Variants in PLA2G6 observed in about 807,000 individuals in gnomAD.
PLA2G6 encodes phospholipase A2 group VI.
A neutral mutation model predicts 83.8 loss-of-function variants in PLA2G6; 62 were observed. The ratio of observed to expected loss-of-function variants is 0.74; its 90% CI spans 0.60 to 0.91. The LOEUF is 0.91. PLA2G6 is among the 40% of genes least tolerant of loss of function. PLA2G6 has a pLI of 0.00. For synonymous variants in PLA2G6, 417 were observed against 449.8 expected (o/e 0.93, Z 0.92); for missense variants, 944 against 1,102.0 (o/e 0.86, Z 2.03).
chr22:38,128,551 G>A lies in PLA2G6; in HGVS notation c.1187-121C>T. The A allele has an allele frequency of 1.8e-6, 2 of 1,117,556 alleles. No individual in the cohort carries two copies. The highest frequency in any genetic ancestry group is 2.6e-6 in the Non-Finnish European group (2 of 769,420). The allele number at this position is 1,117,556 out of a possible 1,614,324, so 69.2% of individuals were successfully genotyped here. A position where few individuals can be genotyped will look rare whatever the true frequency, so the allele number is the denominator to read the frequency against. On this transcript the variant is annotated intron_variant, in intron 8 of 16. Transcript: ENST00000332509. The surrounding 1 kb of genome is among the most constrained non-coding windows in gnomAD (Gnocchi z 4.4). The stretch of plus-strand genomic sequence containing the variant: ...CCCAGCTCCCAGGCCCTGGGCACGT[G>A]GGCTGCTCCAGAGGCCTCAGCCCAC...
chr22:38,169,045 A>C (rs1164591008), intron 2 of PLA2G6, among the ~76,000 whole-genome samples, 173 bp downstream of exon 2: 1 of 151,972 alleles, frequency 6.6e-6, no homozygotes, highest in Non-Finnish European at 1.5e-5. Context: ...AGAAGTGTGG[A>C]GTCTCGGAAG....
chr22:38,113,519 C>A lies in PLA2G6; in HGVS notation c.2170G>T (p.Ala724Ser). ...ACCACCATCTTGCCCAGTTCCTTGG[C>A]CCCAAAAACAGTCTTGGCCAGCTCC... ...PWELAKTVFGAKELGKMVVDC... is the reference protein window; with the variant it reads ...PWELAKTVFGSKELGKMVVDC... The change falls in exon 15 of 17, where the codon GCC becomes TCC. Residue 724 changes from alanine (A) to serine (S), a missense_variant. Transcript: ENST00000332509. 6.2e-7 allele frequency: 1 copy of A among 1,614,074 alleles called. No homozygotes were observed. The highest frequency in any genetic ancestry group is 1.3e-5 in the African/African-American group (1 of 75,038).
chr22:38,141,238 C>T (rs1163302744), intron 4 of PLA2G6: 2 of 152,302 alleles, frequency 1.3e-5, no homozygotes, highest in Non-Finnish European at 2.9e-5. Context: ...AGCCTGTAGT[C>T]CCAGCTGCTC....
rs976363305 is a variant in PLA2G6, at chr22:38,156,602, T to C, written c.210-10949A>G. 3.9e-5 allele frequency among the ~76,000 whole-genome samples: 6 copies of C among 152,028 alleles called. No homozygotes were observed. The South Asian group carries it at 1.2e-3, about 32-fold the overall frequency. On this transcript the variant is annotated intron_variant, in intron 2 of 16. Transcript: ENST00000332509. ...CTGAGTAGCTGGGACTACAGGCACC[T>C]GCCACCATGCCTGGCTAATTTTTTG... is the stretch of plus-strand genomic sequence containing the variant.
At chr22:38,162,131 C>T (rs1228403947) in intron 2 of PLA2G6, among the ~76,000 whole-genome samples, 2 of 151,266 alleles carry the variant, frequency 1.3e-5, no homozygotes, top group African/African-American at 4.9e-5. Context: ...ACTGCTTGAA[C>T]CCCGGAGGTG....
intron 1 of PLA2G6, among the ~76,000 whole-genome samples, chr22:38,171,406 G>A (rs1245608907): frequency 6.6e-6 from 1 of 152,116 alleles, no homozygotes; most frequent in Non-Finnish European, 1.5e-5. Context: ...CTGTTGCCCA[G>A]GCTGGAGTAC....
rs1166637335 is a variant in PLA2G6, at chr22:38,113,520, C to T, written c.2169G>A (p.Gly723=). 5.0e-6 allele frequency: 8 copies of T among 1,613,920 alleles called. No homozygotes were observed. In the East Asian group the frequency reaches 1.8e-4, roughly 36 times the overall value. ...CCACCATCTTGCCCAGTTCCTTGGC[C>T]CCAAAAACAGTCTTGGCCAGCTCCC... ...NPWELAKTVF[G]AKELGKMVVD... Residue 723 remains glycine, a synonymous_variant, in exon 15 of 17, where the codon GGG becomes GGA. Transcript: ENST00000332509.
chr22:38,140,125 GTTA>G lies in PLA2G6; in HGVS notation c.651_653del (p.Asn218del). On this transcript the variant is annotated inframe_deletion, in exon 5 of 17. Transcript: ENST00000332509. ...CCAGGTGCAGCGGGGTCAGCCCTTG[GTTA>G]TTCACCTGGTTCAGGCCAGCCACTG... is the stretch of plus-strand genomic sequence containing the variant. 6.2e-7 allele frequency: 1 copy of G among 1,614,148 alleles called. No homozygotes were observed. The highest frequency in any genetic ancestry group is 8.5e-7 in the Non-Finnish European group (1 of 1,180,018).
At chr22:38,157,446 G>A (rs546904835) in intron 2 of PLA2G6, among the ~76,000 whole-genome samples, 1 of 152,140 alleles carries the variant, frequency 6.6e-6, no homozygotes, top group African/African-American at 2.4e-5. Context: ...AACAAGTAAT[G>A]AGATCAAAGC....
intron 2 of PLA2G6, chr22:38,148,730 G>A: frequency 3.6e-6 from 2 of 553,452 alleles, no homozygotes; most frequent in South Asian, 2.3e-5. Flanking sequence ...CGCTCTCACA[G>A]AGACCACAGT....
At chr22:38,145,695 G>A in intron 2 of PLA2G6, 42 bp from the exon 3 acceptor site, 1 of 1,425,586 alleles carries the variant, frequency 7.0e-7, no homozygotes. Context: ...AAATGAGTAA[G>A]GCGGGACCCT....
chr22:38,160,120 T>A (rs544568590), intron 2 of PLA2G6, among the ~76,000 whole-genome samples: 1 of 152,276 alleles, frequency 6.6e-6, no homozygotes, highest in African/African-American at 2.4e-5. Flanking sequence ...AAATGGTTAA[T>A]CACTGTATCA....
chr22:38,114,961 C>T (rs376379350), intron 14 of PLA2G6, among the ~76,000 whole-genome samples: 6 of 152,222 alleles, frequency 3.9e-5, no homozygotes, highest in Non-Finnish European at 8.8e-5. Context: ...CCGCCCGCCA[C>T]GCCACAGGGC....
At chr22:38,160,663 G>A (rs137997496) in intron 2 of PLA2G6, among the ~76,000 whole-genome samples, 6 of 152,116 alleles carry the variant, frequency 3.9e-5, no homozygotes, top group African/African-American at 7.2e-5. Context: ...TGGCTAACAC[G>A]GTGAAACCTC....
chr22:38,160,179 C>T (rs2089953413), intron 2 of PLA2G6, among the ~76,000 whole-genome samples: 1 of 152,148 alleles, frequency 6.6e-6, no homozygotes, highest in Non-Finnish European at 1.5e-5. Flanking sequence ...AATAAAACCA[C>T]AATAACATAC....
intron 14 of PLA2G6, among the ~76,000 whole-genome samples, chr22:38,114,427 C>T (rs1176369595): frequency 6.6e-6 from 1 of 152,174 alleles, no homozygotes; most frequent in Non-Finnish European, 1.5e-5. Flanking sequence ...CCTCATGATC[C>T]ACTTGCCTCG....
intron 16 of PLA2G6, 22 bp downstream of exon 16, chr22:38,112,482 G>A (rs1473992547): frequency 6.5e-7 from 1 of 1,546,864 alleles, no homozygotes; most frequent in Non-Finnish European, 8.7e-7. Flanking sequence ...GGGGCCAAGG[G>A]CTGGGGCGGC....
chr22:38,122,356 G>T (rs2087573485), intron 11 of PLA2G6, among the ~76,000 whole-genome samples: 1 of 152,168 alleles, frequency 6.6e-6, no homozygotes, highest in Non-Finnish European at 1.5e-5. Flanking sequence ...GGGGTTGGGG[G>T]GAGCTGAGGA....
chr22:38,117,139 A>C (rs1659108563), intron 12 of PLA2G6, among the ~76,000 whole-genome samples: 1 of 152,218 alleles, frequency 6.6e-6, no homozygotes, highest in Admixed American at 6.5e-5. Flanking sequence ...AAGAAAAATA[A>C]AAAGAGGAAA....
Sources: gnomAD v4.1 joint callset for allele counts (sites outside exome capture counted in the v4.1 genomes callset) on GRCh38, gnomAD v4.1.1 for gene constraint, Gnocchi (gnomAD v3.1) non-coding constraint, MANE v1.5 for transcripts, NCBI Gene and HGNC (gene_info 2026-07-23, HGNC 2026-07-21) for gene names.